Variants in MCHR2 observed in about 807,000 individuals in gnomAD.
The protein encoded by MCHR2 is melanin concentrating hormone receptor 2, also known as melanin-concentrating hormone receptor 2.
MCHR2 carries 15 observed loss-of-function variants against 24.8 expected under a neutral mutation model. That is an observed-to-expected ratio of 0.60 (90% CI 0.40 to 0.93). The LOEUF is 0.93. Among genes scored for constraint, MCHR2 ranks in the 40% least tolerant of loss-of-function variants. MCHR2 has a pLI of 0.00. For missense variants in MCHR2, 386 were observed against 408.7 expected, an observed-to-expected ratio of 0.94 and a Z score of 0.48; for synonymous variants, 151 against 147.6, an observed-to-expected ratio of 1.02 and a Z score of -0.17.
chr6:99,973,127 T>G (rs2114572647), intron 1 of MCHR2, among the ~76,000 whole-genome samples: 1 of 151,974 alleles, frequency 6.6e-6, no homozygotes, highest in South Asian at 2.1e-4. Context: ...TTGTTGACTT[T>G]CTGTCTCGTT....
At chr6:99,946,119 T>A (rs1363959294) in intron 3 of MCHR2, among the ~76,000 whole-genome samples, 2 of 152,058 alleles carry the variant, frequency 1.3e-5, no homozygotes, top group African/African-American at 4.8e-5. Context: ...ACTGTTGGTA[T>A]GGTCTGTACT....
At chr6:99,960,491 C>T (rs542511642) in intron 1 of MCHR2, among the ~76,000 whole-genome samples, 12 of 152,242 alleles carry the variant, frequency 7.9e-5, no homozygotes, top group African/African-American at 2.9e-4. Flanking sequence ...CTTCAAAGTT[C>T]ATATGGAACC....
At chr6:99,941,377 C>A (rs1774767844) in intron 4 of MCHR2, among the ~76,000 whole-genome samples, 1 of 151,260 alleles carries the variant, frequency 6.6e-6, no homozygotes, top group Non-Finnish European at 1.5e-5. Context: ...TTTCTGAGGG[C>A]TCTGGGAGTG....
intron 5 of MCHR2, among the ~76,000 whole-genome samples, chr6:99,925,258 C>T (rs1250265382): frequency 1.3e-5 from 2 of 151,404 alleles, no homozygotes; most frequent in Non-Finnish European, 2.9e-5. Context: ...TATGTTTTTC[C>T]ATTCCTTTTT....
In MCHR2 at chr6:99,937,751, AT is replaced by A. The variant is rs71024679; in HGVS notation, c.588-3235del. On this transcript the variant is annotated intron_variant, in intron 4 of 5. Coordinates refer to ENST00000281806, the MANE Select transcript of MCHR2 (RefSeq NM_001040179.2). Reference sequence around the variant, plus strand: ...AGTTTGGAAGTATTCCTTCCTCTTCATTTTTTTTTTTTGAAGTTTGAAGAGA... The same window carrying A: ...AGTTTGGAAGTATTCCTTCCTCTTCATTTTTTTTTTTGAAGTTTGAAGAGA... 4.8e-4 allele frequency among the ~76,000 whole-genome samples: 70 copies of A among 146,850 alleles called. 2 individuals are homozygous for A. Among genetic ancestry groups the A allele is most frequent in the East Asian group, 1.8e-3 (9 of 5,040 alleles).
intron 1 of MCHR2, among the ~76,000 whole-genome samples, chr6:99,992,738 C>G (rs1017501418): frequency 1.3e-5 from 2 of 152,112 alleles, no homozygotes; most frequent in Admixed American, 1.3e-4. Flanking sequence ...GGCTAAGAGT[C>G]GAATAACATT....
At chr6:99,947,063 C>T (rs1257666222) in intron 3 of MCHR2, among the ~76,000 whole-genome samples, 1 of 152,118 alleles carries the variant, frequency 6.6e-6, no homozygotes. Flanking sequence ...TCCATAAGTA[C>T]TCACCATCAC....
intron 1 of MCHR2, among the ~76,000 whole-genome samples, chr6:99,975,355 C>G (rs754073408): frequency 1.3e-5 from 2 of 152,186 alleles, no homozygotes; most frequent in Non-Finnish European, 2.9e-5. Context: ...GACTCCGTGG[C>G]CGTAGGACCC....
At chr6:99,944,333 A>T (rs1272999108) in intron 3 of MCHR2, among the ~76,000 whole-genome samples, 3 of 152,182 alleles carry the variant, frequency 2.0e-5, no homozygotes, top group Admixed American at 6.5e-5. Context: ...GGCTATTTGA[A>T]AAAGCACAGC....
At chr6:99,951,951 T>A (rs556931235) in intron 2 of MCHR2, among the ~76,000 whole-genome samples, 16 of 152,244 alleles carry the variant, frequency 1.1e-4, no homozygotes, top group African/African-American at 3.6e-4. Context: ...TTTTGGAGGA[T>A]AGGGCACCTT....
chr6:99,925,778 T>G lies in MCHR2; in HGVS notation c.708-4523A>C, dbSNP rs1421653411. 2.0e-5 allele frequency among the ~76,000 whole-genome samples: 3 copies of G among 151,732 alleles called. No homozygotes were observed. The East Asian group carries it at 5.8e-4, about 29-fold the overall frequency. ...TATTATCTATGTCTTGAAAAGTTGT[T>G]GTAGTTATTATTTTTGTTTTTTTTG... is the stretch of plus-strand genomic sequence containing the variant. On this transcript the variant is annotated intron_variant, in intron 5 of 5. Coordinates refer to ENST00000281806, the MANE Select transcript of MCHR2 (RefSeq NM_001040179.2).
At chr6:99,940,048 A>G (rs755512946) in intron 4 of MCHR2, among the ~76,000 whole-genome samples, 5 of 151,578 alleles carry the variant, frequency 3.3e-5, no homozygotes, top group African/African-American at 4.8e-5. Context: ...AGAGTTTATT[A>G]TATGCCTTGG....
chr6:99,969,125 T>G (rs1202927367), intron 1 of MCHR2, among the ~76,000 whole-genome samples: 2 of 152,172 alleles, frequency 1.3e-5, no homozygotes, highest in African/African-American at 4.8e-5. Context: ...ATGTTTCCTC[T>G]AAATACATTT....
intron 1 of MCHR2, among the ~76,000 whole-genome samples, chr6:99,963,982 C>A (rs969799371): frequency 5.3e-5 from 8 of 152,030 alleles, no homozygotes; most frequent in African/African-American, 1.9e-4. Context: ...CTTCAATAGG[C>A]ATTTACAAAA....
intron 1 of MCHR2, among the ~76,000 whole-genome samples, chr6:99,973,526 G>T (rs1234969907): frequency 2.6e-5 from 4 of 152,168 alleles, no homozygotes; most frequent in Middle Eastern, 3.2e-3. Context: ...CAATTTGCCA[G>T]TCTGTGTCTT....
At chr6:99,961,873 T>C (rs1409078797) in intron 1 of MCHR2, among the ~76,000 whole-genome samples, 1 of 152,030 alleles carries the variant, frequency 6.6e-6, no homozygotes, top group Non-Finnish European at 1.5e-5. Context: ...AAAAAGAATA[T>C]GAAAATCATG....
chr6:99,964,092 A>T (rs944604492), intron 1 of MCHR2, among the ~76,000 whole-genome samples: 2 of 152,142 alleles, frequency 1.3e-5, no homozygotes, highest in Admixed American at 1.3e-4. Context: ...CCTTTGCTTA[A>T]CTATCAGATT....
At chr6:99,962,193 A>G (rs1229003107) in intron 1 of MCHR2, among the ~76,000 whole-genome samples, 1 of 152,204 alleles carries the variant, frequency 6.6e-6, no homozygotes, top group Non-Finnish European at 1.5e-5. Flanking sequence ...AGTCAGTCTG[A>G]TAACTGAGAC....
chr6:99,954,968 A>G (rs1775031450), intron 2 of MCHR2, among the ~76,000 whole-genome samples: 1 of 152,178 alleles, frequency 6.6e-6, no homozygotes, highest in African/African-American at 2.4e-5. Context: ...TTATGCATAT[A>G]CAAACAGCAC....
Sources: allele counts gnomAD v4.1 joint callset (sites outside exome capture counted in the v4.1 genomes callset), GRCh38; gene constraint gnomAD v4.1.1; transcripts MANE v1.5; gene names NCBI Gene and HGNC (gene_info 2026-07-23, HGNC 2026-07-21).